The following ZNF710 variants were observed in gnomAD, a reference collection of about 807,000 sequenced individuals.
ZNF710 encodes zinc finger protein 710.
In ZNF710, 13 loss-of-function variants were observed where a neutral mutation model predicts 50.6. That is an observed-to-expected ratio of 0.26 (90% CI 0.17 to 0.41). ZNF710 has a LOEUF of 0.41. Ranked by LOEUF, ZNF710 falls within the 10% of genes least tolerant of loss-of-function variation. ZNF710 has a pLI of 1.00. For synonymous variants in ZNF710, 383 were observed against 397.0 expected, an observed-to-expected ratio of 0.96 and a Z score of 0.42; for missense variants, 721 against 936.6, an observed-to-expected ratio of 0.77 and a Z score of 3.01.
chr15:90,072,494 A>G (rs1900422274), intron 2 of ZNF710, among the ~76,000 whole-genome samples: 1 of 152,224 alleles, frequency 6.6e-6, no homozygotes, highest in Non-Finnish European at 1.5e-5. Context: ...GAAATTCTAC[A>G]TAGACCTAAG....
At position 90,058,721 on chromosome 15, in the gene ZNF710, A is replaced by ATATATATATATATATATATATG. The variant is rs1567236953; in HGVS notation, c.-28-8389_-28-8388insTATATATATATATATATATATG. ...TATATTTATATATATATATATATAC[A>ATATATATATATATATATATATG]CACATATACACACACACGTACACAG... is the stretch of plus-strand genomic sequence containing the variant. On this transcript the variant is annotated intron_variant, in intron 1 of 4. Transcript: ENST00000268154. 2.8e-5 allele frequency among the ~76,000 whole-genome samples: 4 copies of ATATATATATATATATATATATG among 144,654 alleles called. No homozygotes were observed. The East Asian group carries it at 5.8e-4, about 21-fold the overall frequency. The allele number at this position is 144,654 out of a possible 152,430, so 94.9% of individuals were successfully genotyped here.
At chr15:90,069,562 C>G (rs1453912244) in intron 2 of ZNF710, among the ~76,000 whole-genome samples, 1 of 152,134 alleles carries the variant, frequency 6.6e-6, no homozygotes, top group Non-Finnish European at 1.5e-5. Context: ...GCTCAGTGGT[C>G]AGAAGTACAG....
rs4932154 is a variant in ZNF710, at chr15:90,031,028, G to C, written c.-29+29414G>C. Among the ~76,000 whole-genome samples, 148 of 122,844 alleles carry C rather than the reference G, an allele frequency of 1.2e-3. 10 individuals carry two copies. Among genetic ancestry groups the C allele is most frequent in the East Asian group, 1.6e-3 (7 of 4,384 alleles). 80.6% of individuals were successfully genotyped at this position (122,844 alleles called of 152,430 possible). ...AGCGAGACTCCGTCTCAAAAAAAAAGAAAAAAAAAAAAATGCTTAATGGAT... is the reference window on the plus strand; with the variant it reads ...AGCGAGACTCCGTCTCAAAAAAAAACAAAAAAAAAAAAATGCTTAATGGAT... On this transcript the variant is annotated intron_variant, in intron 1 of 4. Coordinates refer to ENST00000268154, the MANE Select transcript of ZNF710 (RefSeq NM_198526.4).
intron 1 of ZNF710, among the ~76,000 whole-genome samples, chr15:90,030,302 C>G (rs916805542): frequency 4.2e-5 from 5 of 117,792 alleles, no homozygotes; most frequent in African/African-American, 1.7e-4. Flanking sequence ...GCATTCCGGC[C>G]TGGGCAACAA....
chr15:90,012,600 C>T (rs954970070), intron 1 of ZNF710, among the ~76,000 whole-genome samples: 6 of 151,812 alleles, frequency 4.0e-5, no homozygotes, highest in East Asian at 1.9e-4. Flanking sequence ...TTTTTTATTC[C>T]GGGTGTTTTC....
chr15:90,017,669 G>A (rs1176802397), intron 1 of ZNF710, among the ~76,000 whole-genome samples: 1 of 151,936 alleles, frequency 6.6e-6, no homozygotes, highest in Non-Finnish European at 1.5e-5. Context: ...CTTTTGTTTG[G>A]TTACTTGGTG....
chr15:90,023,491 G>A (rs1376460168), intron 1 of ZNF710, among the ~76,000 whole-genome samples: 1 of 152,204 alleles, frequency 6.6e-6, no homozygotes, highest in Non-Finnish European at 1.5e-5. Flanking sequence ...TAGGAAGTTG[G>A]TGCCTGTAGG....
At chr15:90,001,885 G>T (rs1184385651) in intron 1 of ZNF710, among the ~76,000 whole-genome samples, 1 of 141,256 alleles carries the variant, frequency 7.1e-6, no homozygotes, top group Non-Finnish European at 1.6e-5. Context: ...GTCTGGGGTG[G>T]GGGGGAGGGA....
rs537900630 is a variant in ZNF710, at chr15:90,056,077, CTACA to C, written c.-28-11031_-28-11028del. On this transcript the variant is annotated intron_variant, in intron 1 of 4. Transcript: ENST00000268154. ...GTTGCAGTGGGCCAAGATCACACCA[CTACA>C]TTCCAGCCTGGGCAACAGAGCAAGA... Among the ~76,000 whole-genome samples the C allele has an allele frequency of 1.5e-3, 220 of 149,206 alleles. 4 individuals are homozygous for C. Among genetic ancestry groups the C allele is most frequent in the African/African-American group, 5.3e-3 (212 of 40,144 alleles).
chr15:90,052,082 C>T (rs796737320), intron 1 of ZNF710, among the ~76,000 whole-genome samples: 40 of 152,224 alleles, frequency 2.6e-4, no homozygotes, highest in African/African-American at 9.4e-4. Context: ...GGACCTTGCT[C>T]CTGGGGCCCA....
intron 1 of ZNF710, among the ~76,000 whole-genome samples, chr15:90,029,734 C>T (rs1294533716): frequency 6.6e-6 from 1 of 152,080 alleles, no homozygotes; most frequent in Non-Finnish European, 1.5e-5. Context: ...CCTGCCTCAG[C>T]CTCCCGAGTA....
upstream of ZNF710, chr15:90,001,260 TG>T (rs1400395965): frequency 6.6e-6 from 1 of 151,738 alleles, no homozygotes; most frequent in Non-Finnish European, 1.5e-5. Flanking sequence ...AGGGAGGTGT[TG>T]GGGGTGGAAG....
At position 90,078,942 on chromosome 15, in the gene ZNF710, T is replaced by G. The variant is rs148787885; in HGVS notation, c.1826-718T>G. On this transcript the variant is annotated intron_variant, in intron 4 of 4. Coordinates refer to ENST00000268154, the MANE Select transcript of ZNF710 (RefSeq NM_198526.4). ...AGAGCTTTATAATGAGATTTCAATT[T>G]TATAAAATTATAAGGGGCCTCTTAG... is the stretch of plus-strand genomic sequence containing the variant. Among the ~76,000 whole-genome samples, 129 of 152,326 alleles carry G rather than the reference T, an allele frequency of 8.5e-4. 1 individual carries two copies. The East Asian group carries it at 0.025, about 29-fold the overall frequency.
intron 1 of ZNF710, among the ~76,000 whole-genome samples, chr15:90,047,680 G>A (rs1446451773): frequency 6.6e-6 from 1 of 151,428 alleles, no homozygotes; most frequent in African/African-American, 2.4e-5. Flanking sequence ...CAACTCCCGG[G>A]TTCAAATGAT....
intron 1 of ZNF710, among the ~76,000 whole-genome samples, chr15:90,030,823 T>C (rs1462989691): frequency 6.6e-6 from 1 of 151,954 alleles, no homozygotes; most frequent in Non-Finnish European, 1.5e-5. Context: ...AAGACCATCC[T>C]GGCTAACACG....
chr15:90,060,722 G>A (rs762184780), intron 1 of ZNF710, among the ~76,000 whole-genome samples: 1 of 152,076 alleles, frequency 6.6e-6, no homozygotes, highest in Non-Finnish European at 1.5e-5. Flanking sequence ...CGAGCATGGT[G>A]GTGGGCGCCT....
chr15:90,058,638 G>A (rs1899902008), intron 1 of ZNF710, among the ~76,000 whole-genome samples: 1 of 151,794 alleles, frequency 6.6e-6, no homozygotes, highest in African/African-American at 2.4e-5. Context: ...GATCCACAGT[G>A]TGATTATTGT....
intron 1 of ZNF710, among the ~76,000 whole-genome samples, chr15:90,054,705 G>T (rs1436866177): frequency 6.6e-6 from 1 of 152,228 alleles, no homozygotes; most frequent in Non-Finnish European, 1.5e-5. Context: ...CCTTGAACTT[G>T]TGAGCTGAAG....
chr15:90,020,849 C>T (rs1045050120), intron 1 of ZNF710, among the ~76,000 whole-genome samples: 1 of 152,226 alleles, frequency 6.6e-6, no homozygotes, highest in African/African-American at 2.4e-5. Flanking sequence ...GACAGTGTTA[C>T]AGATCTCATT....
Sources: allele counts gnomAD v4.1 joint callset (sites outside exome capture counted in the v4.1 genomes callset), GRCh38; gene constraint gnomAD v4.1.1; transcripts MANE v1.5; gene names NCBI Gene and HGNC (gene_info 2026-07-23, HGNC 2026-07-21).